DMD: variants seen among roughly 807,000 people sequenced by gnomAD.
DMD encodes the protein mutant dystrophin.
A neutral mutation model predicts 330.1 loss-of-function variants in DMD; 63 were observed. The ratio of observed to expected loss-of-function variants is 0.19; its 90% CI spans 0.16 to 0.24. DMD has a LOEUF of 0.24. Among genes scored for constraint, DMD ranks in the 10% least tolerant of loss-of-function variants. The probability of loss-of-function intolerance (pLI) is 1.00; values close to 1 mark genes in which losing one functional copy is unlikely to be tolerated. For missense variants in DMD, 3,344 were observed against 2,684.1 expected (o/e 1.25, Z -5.43); for synonymous variants, 1,223 against 959.8 (o/e 1.27, Z -5.07).
chrX:31,235,705 C>A (rs1444530549), intron 63 of DMD, among the ~76,000 whole-genome samples: 3 of 112,406 alleles, frequency 2.7e-5, no homozygotes, highest in African/African-American at 9.7e-5. Context: ...ACTTCTATGG[C>A]TGAATCACTG....
intron 55 of DMD, among the ~76,000 whole-genome samples, chrX:31,611,165 C>A (rs1217899881): frequency 9.2e-6 from 1 of 109,109 alleles, no homozygotes; most frequent in Non-Finnish European, 1.9e-5. Context: ...TAAGTGGGCA[C>A]AAGAACTACC....
intron 47 of DMD, among the ~76,000 whole-genome samples, chrX:31,924,595 A>AT (rs977131043): frequency 1.8e-5 from 2 of 111,706 alleles, no homozygotes; most frequent in African/African-American, 6.5e-5. Context: ...TTATTTGGTG[A>AT]TTTTTTGAAA....
chrX:32,447,667 TAACTC>T (rs1234707000), intron 27 of DMD, among the ~76,000 whole-genome samples: 1 of 111,781 alleles, frequency 8.9e-6, no homozygotes, highest in Non-Finnish European at 1.9e-5. Flanking sequence ...TTCACCAAAA[TAACTC>T]AGTCTGTGTG....
At chrX:32,504,393 G>A (rs189038615) in intron 18 of DMD, among the ~76,000 whole-genome samples, 41 of 111,232 alleles carry the variant, frequency 3.7e-4, no homozygotes, top group African/African-American at 1.2e-3. Flanking sequence ...GGGGGCCAAC[G>A]CGGGTGGATC....
intron 1 of DMD, among the ~76,000 whole-genome samples, chrX:33,116,061 C>T (rs990105064): frequency 1.8e-4 from 20 of 108,782 alleles, no homozygotes; most frequent in East Asian, 3.0e-4. Flanking sequence ...GGCATGGTGG[C>T]GTGCACCAGT....
At chrX:31,859,531 C>A (rs750058619) in intron 48 of DMD, among the ~76,000 whole-genome samples, 2 of 111,934 alleles carry the variant, frequency 1.8e-5, no homozygotes, top group Non-Finnish European at 3.8e-5. Context: ...GTTCCACAGA[C>A]CAGAAATAAC....
At chrX:32,021,385 T>C (rs2095804813) in intron 44 of DMD, among the ~76,000 whole-genome samples, 2 of 111,955 alleles carry the variant, frequency 1.8e-5, no homozygotes, top group Non-Finnish European at 3.8e-5. Flanking sequence ...TTTTAAAAAA[T>C]GAGCATTGTT....
chrX:32,423,664 A>C, intron 29 of DMD, among the ~76,000 whole-genome samples: 1 of 110,572 alleles, frequency 9.0e-6, no homozygotes. Flanking sequence ...AAGTAGGGTA[A>C]ATTATATCTA....
intron 67 of DMD, among the ~76,000 whole-genome samples, chrX:31,197,945 G>T (rs148738670): frequency 9.4e-6 from 1 of 106,086 alleles, no homozygotes; most frequent in East Asian, 2.9e-4. Context: ...CAACATGTAC[G>T]GAACCGGAAG....
intron 11 of DMD, among the ~76,000 whole-genome samples, chrX:32,620,551 G>A (rs1280617844): frequency 8.9e-6 from 1 of 112,259 alleles, no homozygotes; most frequent in African/African-American, 3.2e-5. Context: ...ACAAAAAGTA[G>A]ACATTTTATT....
At chrX:31,787,886 AG>A (rs1219252036) in intron 50 of DMD, among the ~76,000 whole-genome samples, 1 of 112,194 alleles carries the variant, frequency 8.9e-6, no homozygotes, top group Admixed American at 9.5e-5. Context: ...ATCAAAATCA[AG>A]GGGAGAAAAC....
rs1476319333 is a variant in DMD at position 32,897,834 on chromosome X, T to C, written c.94-48014A>G. Among the ~76,000 whole-genome samples the C allele has an allele frequency of 9.3e-5, 10 of 107,298 alleles. No homozygotes were observed. The East Asian group carries it at 2.7e-3, about 29-fold the overall frequency. 93.2% of individuals were successfully genotyped at this position (107,298 alleles called of 115,157 possible). On this transcript the variant is annotated intron_variant, in intron 2 of 78. Transcript: ENST00000357033. The stretch of plus-strand genomic sequence containing the variant: ...ATTTTTTTAATTAGTCTTCCCCCTC[T>C]GAACTTTTCTCCACTTTCCGCAGCA...
intron 74 of DMD, among the ~76,000 whole-genome samples, chrX:31,161,960 C>G (rs1241618239): frequency 9.0e-6 from 1 of 110,891 alleles, no homozygotes; most frequent in East Asian, 2.8e-4. Context: ...AAAACTCATC[C>G]TTCCCCCATC....
intron 1 of DMD, among the ~76,000 whole-genome samples, chrX:33,260,911 A>G (rs73459962): frequency 4.6e-3 from 510 of 111,524 alleles, no homozygotes; most frequent in African/African-American, 0.016. Context: ...CTATCATGCT[A>G]GTTTCCAGAA....
At chrX:32,533,535 C>A (rs2047673168) in intron 17 of DMD, among the ~76,000 whole-genome samples, 1 of 111,916 alleles carries the variant, frequency 8.9e-6, no homozygotes, top group Admixed American at 9.5e-5. Flanking sequence ...AGGAAGTGAA[C>A]TTTTCTTCCT....
At chrX:31,776,549 G>C (rs374746397) in intron 50 of DMD, among the ~76,000 whole-genome samples, 3 of 93,103 alleles carry the variant, frequency 3.2e-5, no homozygotes, top group African/African-American at 1.2e-4. Flanking sequence ...TGAAAAGCAC[G>C]TTTGGAAAAA....
rs2148691888 is a variant in DMD, at chrX:32,501,854, G to A, written c.2293-12C>T. On this transcript the variant is annotated splice_polypyrimidine_tract_variant and intron_variant, in intron 18 of 78. Coordinates refer to ENST00000357033, the MANE Select transcript of DMD (RefSeq NM_004006.3). ...TCTCGCTCTATGGCCTGCAGCATGAGAGCAAAGATGAGTAATTCAATACAA... is the reference window on the plus strand; with the variant it reads ...TCTCGCTCTATGGCCTGCAGCATGAAAGCAAAGATGAGTAATTCAATACAA... 1 of 1,141,047 alleles carries A rather than the reference G, an allele frequency of 8.8e-7. No individual in the cohort carries two copies. The highest frequency in any genetic ancestry group is 1.2e-6 in the Non-Finnish European group (1 of 835,465). 94.0% of individuals were successfully genotyped at this position (1,141,047 alleles called of 1,213,427 possible). A position where few individuals can be genotyped will look rare whatever the true frequency, so the allele number is the denominator to read the frequency against.
intron 62 of DMD, among the ~76,000 whole-genome samples, chrX:31,284,557 T>TTTCTTCTTCTTCTTCTTCTTCTTC (rs201340042): frequency 0.062 from 4,874 of 78,011 alleles, 309 homozygotes; most frequent in Middle Eastern, 0.15. Context: ...TAACGAACTG[T>TTTCTTCTTCTTCTTCTTCTTCTTC]TTCTTCTTCT....
chrX:32,794,238 T>C (rs987811902), intron 7 of DMD, among the ~76,000 whole-genome samples: 3 of 111,742 alleles, frequency 2.7e-5, no homozygotes, highest in Non-Finnish European at 5.6e-5. Context: ...AGACCATATA[T>C]GACAAATCTA....
Sources: allele counts gnomAD v4.1 joint callset (sites outside exome capture counted in the v4.1 genomes callset), GRCh38; gene constraint gnomAD v4.1.1; transcripts MANE v1.5; gene names NCBI Gene and HGNC (gene_info 2026-07-23, HGNC 2026-07-21).